The following CENPM variants were observed in gnomAD, a reference collection of about 807,000 sequenced individuals.
CENPM encodes the protein interphase centromere complex protein 39.
CENPM carries 14 observed loss-of-function variants against 19.6 expected under a neutral mutation model. The ratio of observed to expected loss-of-function variants is 0.71; its 90% CI spans 0.47 to 1.11. CENPM has a LOEUF of 1.11. Among genes scored for constraint, CENPM ranks in the 50% most tolerant of loss-of-function variants. CENPM has a pLI of 0.00. For synonymous variants in CENPM, 114 were observed against 101.5 expected (o/e 1.12, Z -0.74); for missense variants, 239 against 228.4 (o/e 1.05, Z -0.30).
Position 41,939,074 on chromosome 22 carries a change from G to A in CENPM, c.525C>T (p.Pro175=), listed in dbSNP as rs748314408. ...GCCACCCTCACAGGTCCTCCAGGGA[G>A]GGGCCCTCAGAGCTTCTCAGCAGGG... ...LLSLLRSSEG[P]SLEDL is the part of the protein sequence containing the mutation. Residue 175 remains proline (P), a synonymous_variant, in exon 6 of 6, where the codon CCC becomes CCT. Transcript: ENST00000215980. The A allele has an allele frequency of 4.3e-6, 7 of 1,612,954 alleles. No individual in the cohort carries two copies. The South Asian group carries it at 7.7e-5, about 18-fold the overall frequency.
At chr22:41,929,570 G>A in the CENPM span, among the ~76,000 whole-genome samples, 1 of 152,240 alleles carries the variant, frequency 6.6e-6, no homozygotes, top group African/African-American at 2.4e-5. Context: ...GAGAGAGTGG[G>A]AGGGCTGGAG....
intron 5 of CENPM, 90 bp downstream of exon 5, chr22:41,943,520 C>T (rs1373085628): frequency 8.8e-6 from 10 of 1,135,832 alleles, no homozygotes; most frequent in Non-Finnish European, 1.3e-5. Context: ...CTAAGTCCTT[C>T]GATAAGCATT....
downstream of CENPM, among the ~76,000 whole-genome samples, chr22:41,934,333 G>C (rs1383969732): frequency 6.6e-6 from 1 of 152,208 alleles, no homozygotes; most frequent in Non-Finnish European, 1.5e-5. Context: ...CAGCCAGGTG[G>C]AATGAGGGGG....
At chr22:41,939,239 C>T in intron 5 of CENPM, 43 bp from the exon 6 acceptor site, 1 of 1,563,226 alleles carries the variant, frequency 6.4e-7, no homozygotes, top group Non-Finnish European at 8.7e-7. Context: ...GAATGCTGGC[C>T]CTGCTCCCTT....
chr22:41,936,796 C>T (rs941043883), downstream of CENPM, among the ~76,000 whole-genome samples: 7 of 152,130 alleles, frequency 4.6e-5, no homozygotes, highest in African/African-American at 2.4e-5. Flanking sequence ...GGCATGGTGG[C>T]GTGCACCTGT....
At chr22:41,946,727 G>T (rs1176361325) in intron 1 of CENPM, 5 of 593,660 alleles carry the variant, frequency 8.4e-6, no homozygotes, top group South Asian at 6.1e-5. Flanking sequence ...CGCTCCCACC[G>T]CCGGCCTCTC....
chr22:41,934,239 A>G (rs1440210111), downstream of CENPM, among the ~76,000 whole-genome samples: 1 of 152,140 alleles, frequency 6.6e-6, no homozygotes, highest in Non-Finnish European at 1.5e-5. Context: ...GATGGGAAAC[A>G]CCATCAGATT....
the CENPM span, among the ~76,000 whole-genome samples, chr22:41,930,545 G>A: frequency 6.6e-6 from 1 of 150,856 alleles, no homozygotes; most frequent in Non-Finnish European, 1.5e-5. Context: ...CACTCTTATC[G>A]CCCAGGCTGG....
intron 5 of CENPM, among the ~76,000 whole-genome samples, chr22:41,941,519 C>A (rs749065493): frequency 6.6e-6 from 1 of 152,230 alleles, no homozygotes; most frequent in Non-Finnish European, 1.5e-5. Context: ...CACTGTCCCC[C>A]ACCAGCACCT....
chr22:41,945,789 A>G, intron 3 of CENPM, 124 bp downstream of exon 3: 1 of 716,122 alleles, frequency 1.4e-6, no homozygotes, highest in South Asian at 1.9e-5. Flanking sequence ...TCCTCACCTT[A>G]CAGATTGACC....
chr22:41,940,249 A>T (rs1161954018), intron 5 of CENPM: 12 of 710,648 alleles, frequency 1.7e-5, no homozygotes, highest in Non-Finnish European at 2.9e-5. Flanking sequence ...TTATTTATTT[A>T]GAAGTCCTGT....
At chr22:41,930,528 G>A in the CENPM span, among the ~76,000 whole-genome samples, 1 of 149,652 alleles carries the variant, frequency 6.7e-6, no homozygotes, top group African/African-American at 2.5e-5. Flanking sequence ...TTTTTGAGAT[G>A]GAGTTTCACT....
the CENPM span, among the ~76,000 whole-genome samples, chr22:41,932,517 G>GCTGC: frequency 6.6e-6 from 1 of 152,194 alleles, no homozygotes; most frequent in Non-Finnish European, 1.5e-5. This position sits in a 1 kb window ranked among gnomAD's most constrained non-coding sequence, Gnocchi z 4.3. Context: ...ATGGGCTGGA[G>GCTGC]CTGCCTGTCA....
chr22:41,939,006 T>C lies in CENPM; in HGVS notation c.*50A>G, dbSNP rs765189565. ...GGACATCCTCAACAGAGAATGTTTA[T>C]GGAGTCAGCACGAAGCCATGAGAAG... is the stretch of plus-strand genomic sequence containing the variant. On this transcript the variant is annotated 3_prime_UTR_variant, in exon 6 of 6. Transcript: ENST00000215980. 6.2e-6 allele frequency: 10 copies of C among 1,602,622 alleles called. No homozygotes were observed. The East Asian group carries it at 1.6e-4, about 25-fold the overall frequency.
chr22:41,944,666 T>C, intron 4 of CENPM: 3 of 985,142 alleles, frequency 3.0e-6, no homozygotes, highest in Non-Finnish European at 3.6e-6. Flanking sequence ...CTGTTAATAT[T>C]ACAAAGTCTC....
At chr22:41,939,225 G>A (rs1404046395) in intron 5 of CENPM, 29 bp from the exon 6 acceptor site, 2 of 1,589,240 alleles carry the variant, frequency 1.3e-6, no homozygotes, top group Non-Finnish European at 8.6e-7. Context: ...ACAGCAGTGA[G>A]ATAGAATGCT....
chr22:41,946,044 C>T (rs1569428601), intron 2 of CENPM, 39 bp from the exon 3 acceptor site: 3 of 1,533,640 alleles, frequency 2.0e-6, no homozygotes, highest in Non-Finnish European at 1.8e-6. Flanking sequence ...GATATCCGTA[C>T]CCCCCTCATA....
chr22:41,938,903 C>G lies in CENPM; in HGVS notation c.*153G>C. 1.0e-6 allele frequency: 1 copy of G among 970,486 alleles called. No homozygotes were observed. The highest frequency in any genetic ancestry group is 1.5e-6 in the Non-Finnish European group (1 of 663,478). 60.1% of individuals were successfully genotyped at this position (970,486 alleles called of 1,614,324 possible). ...GCCCCCTCGCTGCTTCTGCCCAGCT[C>G]TCCCTGCTGCAGCACTGGCACTGCA... On this transcript the variant is annotated 3_prime_UTR_variant, in exon 6 of 6. Transcript: ENST00000215980.
chr22:41,945,248 T>C lies in CENPM; in HGVS notation c.287A>G (p.Lys96Arg). ...ACCACCTGTGGCGAGGAAACACACCTTCCCCAAGAAGAAGCTGGCATCCAC... is the reference window on the plus strand; with the variant it reads ...ACCACCTGTGGCGAGGAAACACACCCTCCCCAAGAAGAAGCTGGCATCCAC... ...RHVDASFFLG[K>R]VCFLATGAGR... The change falls in exon 4 of 6, where the codon AAG (lysine) becomes AGG (arginine). Residue 96 changes from lysine (K) to arginine (R), a missense_variant. Coordinates refer to ENST00000215980, the MANE Select transcript of CENPM (RefSeq NM_024053.5). 1.2e-6 allele frequency: 2 copies of C among 1,613,898 alleles called. No homozygotes were observed. Among genetic ancestry groups the C allele is most frequent in the Non-Finnish European group, 1.7e-6 (2 of 1,179,986 alleles).
Sources: allele counts gnomAD v4.1 joint callset (sites outside exome capture counted in the v4.1 genomes callset), GRCh38; gene constraint gnomAD v4.1.1; non-coding constraint Gnocchi (gnomAD v3.1); transcripts MANE v1.5; gene names NCBI Gene and HGNC (gene_info 2026-07-23, HGNC 2026-07-21).